RIMKLB: variants seen among roughly 807,000 people sequenced by gnomAD.
RIMKLB encodes the protein beta-citrylglutamate synthase B.
A neutral mutation model predicts 32.0 loss-of-function variants in RIMKLB; 7 were observed. That is an observed-to-expected ratio of 0.22 (90% confidence interval 0.12 to 0.41). The LOEUF (loss-of-function observed/expected upper bound fraction) is 0.41. Ranked by LOEUF, RIMKLB falls within the 10% of genes least tolerant of loss-of-function variation. The pLI, the probability that RIMKLB is intolerant of heterozygous loss-of-function variation, is 1.00. For missense variants in RIMKLB, 289 were observed against 498.7 expected (o/e 0.58, Z 4.00); for synonymous variants, 172 against 185.1 (o/e 0.93, Z 0.57).
downstream of RIMKLB, chr12:8,779,892 T>C (rs1489056881): frequency 1.3e-5 from 2 of 152,042 alleles, no homozygotes; most frequent in African/African-American, 4.8e-5. Flanking sequence ...CCTAATTCTT[T>C]TATGTATGTA....
chr12:8,673,428 T>G, the RIMKLB span, among the ~76,000 whole-genome samples: 5 of 152,086 alleles, frequency 3.3e-5, no homozygotes, highest in Admixed American at 2.6e-4. Flanking sequence ...TTTTCTTGAT[T>G]TTGTGTGTTG....
At chr12:8,690,212 C>T (rs180723228) in intron 1 of RIMKLB, among the ~76,000 whole-genome samples, 1 of 152,198 alleles carries the variant, frequency 6.6e-6, no homozygotes, top group Admixed American at 6.5e-5. Flanking sequence ...CCATTTATGA[C>T]TTAAATGGAG....
Position 8,774,861 on chromosome 12 carries a change from T to A in RIMKLB, c.*1077T>A. ...TTATATATTTGCATTTTTCACATTT[T>A]ACGAGGGAGTATATGTGTATGTGTG... On this transcript the variant is annotated 3_prime_UTR_variant, in exon 6 of 6. Transcript: ENST00000535829. The A allele has an allele frequency of 1.0e-6, 1 of 985,648 alleles. No homozygotes were observed. The highest frequency in any genetic ancestry group is 1.2e-6 in the Non-Finnish European group (1 of 829,842). The allele number at this position is 985,648 out of a possible 1,614,324, so 61.1% of individuals were successfully genotyped here.
At chr12:8,758,487 C>T (rs781075799) in intron 5 of RIMKLB, among the ~76,000 whole-genome samples, 14 of 152,090 alleles carry the variant, frequency 9.2e-5, no homozygotes, top group Non-Finnish European at 1.5e-4. Context: ...GTATTTTCAT[C>T]CCAGTCTGTG....
intron 1 of RIMKLB, among the ~76,000 whole-genome samples, chr12:8,688,700 T>TAA (rs145112158): frequency 3.3e-5 from 5 of 152,146 alleles, no homozygotes; most frequent in Admixed American, 6.5e-5. Flanking sequence ...TTTATATAAT[T>TAA]AAAAAAACTT....
chr12:8,766,345 A>G (rs1949963636), intron 5 of RIMKLB, among the ~76,000 whole-genome samples: 1 of 152,048 alleles, frequency 6.6e-6, no homozygotes, highest in Admixed American at 6.5e-5. Flanking sequence ...GTGGTCCTTT[A>G]CCAGCGTGCC....
chr12:8,765,764 TG>T (rs1037994368), intron 5 of RIMKLB, among the ~76,000 whole-genome samples: 8 of 152,008 alleles, frequency 5.3e-5, no homozygotes, highest in Admixed American at 4.6e-4. Flanking sequence ...GGGAAGAAGC[TG>T]GGGGGACACC....
At chr12:8,724,729 C>T (rs74059985) in intron 2 of RIMKLB, among the ~76,000 whole-genome samples, 5,606 of 152,194 alleles carry the variant, frequency 0.037, 330 homozygotes, top group African/African-American at 0.13. Context: ...CAGTTGCTGA[C>T]CTGACAGTGG....
At chr12:8,777,666 C>CT (rs1486517532), downstream of RIMKLB, 1 of 1,289,292 alleles carries the variant, frequency 7.8e-7, no homozygotes, top group Admixed American at 2.3e-5. Context: ...CTTCCCCCTT[C>CT]CTGATGATGA....
chr12:8,716,739 T>C (rs1436500982), intron 2 of RIMKLB, among the ~76,000 whole-genome samples: 1 of 143,868 alleles, frequency 7.0e-6, no homozygotes, highest in Non-Finnish European at 1.5e-5. Flanking sequence ...TTTTTTTTTT[T>C]TTTTTTTTTT....
At chr12:8,721,932 T>G (rs1428753227) in intron 2 of RIMKLB, among the ~76,000 whole-genome samples, 1 of 151,996 alleles carries the variant, frequency 6.6e-6, no homozygotes, top group African/African-American at 2.4e-5. Context: ...TTAGTAGAGA[T>G]GGGGTTTTGC....
Position 8,773,787 on chromosome 12 carries a change from C to A in RIMKLB, c.*3C>A, listed in dbSNP as rs1422340523. On this transcript the variant is annotated 3_prime_UTR_variant, in exon 6 of 6. Transcript: ENST00000535829. ...AAATCAAACTACTGGTGGACTGACT[C>A]CACTGGTAATTAACCAACAAAACCC... 6.2e-7 allele frequency: 1 copy of A among 1,601,102 alleles called. No homozygotes were observed. Among genetic ancestry groups the A allele is most frequent in the African/African-American group, 1.3e-5 (1 of 74,444 alleles).
chr12:8,758,459 A>C (rs1427567458), intron 5 of RIMKLB, among the ~76,000 whole-genome samples: 1 of 152,246 alleles, frequency 6.6e-6, no homozygotes, highest in Non-Finnish European at 1.5e-5. Flanking sequence ...TCTGTCAGTT[A>C]TATGAATTGT....
rs766333142 is a variant in RIMKLB at position 8,724,421 on chromosome 12, T to C, written c.175+10380T>C. Among the ~76,000 whole-genome samples the C allele has an allele frequency of 2.0e-5, 3 of 152,342 alleles. No homozygotes were observed. In the South Asian group the frequency reaches 6.2e-4, roughly 32 times the overall value. On this transcript the variant is annotated intron_variant, in intron 2 of 5. Transcript: ENST00000535829. ...ATTTACTTTTGCAGTATGTTATTAT[T>C]TGATGGTGTCCTTTTTTCTGATTTT...
chr12:8,747,236 C>A (rs1948178524), intron 2 of RIMKLB, among the ~76,000 whole-genome samples: 1 of 152,212 alleles, frequency 6.6e-6, no homozygotes, highest in Non-Finnish European at 1.5e-5. Flanking sequence ...TAGTTCAGAA[C>A]ATACGGCTTT....
intron 1 of RIMKLB, among the ~76,000 whole-genome samples, chr12:8,710,568 A>G (rs774072364): frequency 6.6e-6 from 1 of 152,178 alleles, no homozygotes; most frequent in Non-Finnish European, 1.5e-5. Context: ...GGCCTTCCAA[A>G]GTTCTGGGAT....
rs536518005 is a variant in RIMKLB, at chr12:8,755,160, C to G, written c.697+1067C>G. ...AAAGACGGAGTTTCACCATGTTGAC[C>G]AGGCTGGTCTCAAACCTCTGACCTA... On this transcript the variant is annotated intron_variant, in intron 5 of 5. Coordinates refer to ENST00000535829, the MANE Select transcript of RIMKLB (RefSeq NM_001297776.2). Among the ~76,000 whole-genome samples, 14 of 152,124 alleles carry G rather than the reference C, an allele frequency of 9.2e-5. No homozygotes were observed. The South Asian group carries it at 2.5e-3, about 27-fold the overall frequency.
At chr12:8,702,361 G>A (rs1410044945) in intron 1 of RIMKLB, among the ~76,000 whole-genome samples, 1 of 152,166 alleles carries the variant, frequency 6.6e-6, no homozygotes, top group South Asian at 2.1e-4. Context: ...ACAAAAATCT[G>A]TTTAAACATT....
intron 4 of RIMKLB, among the ~76,000 whole-genome samples, chr12:8,752,532 A>G (rs1452001755): frequency 6.6e-6 from 1 of 152,156 alleles, no homozygotes; most frequent in Non-Finnish European, 1.5e-5. Flanking sequence ...AACCTGGTCG[A>G]TAGAGCCAGA....
Sources: gnomAD v4.1 joint callset for allele counts (sites outside exome capture counted in the v4.1 genomes callset) on GRCh38, gnomAD v4.1.1 for gene constraint, MANE v1.5 for transcripts, NCBI Gene and HGNC (gene_info 2026-07-23, HGNC 2026-07-21) for gene names.